Variants in CELF2 observed in about 807,000 individuals in gnomAD.
CELF2 encodes CUG triplet repeat RNA-binding protein 2.
A neutral mutation model predicts 62.6 loss-of-function variants in CELF2; 8 were observed. The ratio of observed to expected loss-of-function variants is 0.13; its 90% CI spans 0.07 to 0.23. The LOEUF (loss-of-function observed/expected upper bound fraction) is 0.23, where lower values mean the gene tolerates loss of function less well. Ranked by LOEUF, CELF2 falls within the 10% of genes least tolerant of loss-of-function variation. The pLI, the probability that CELF2 is intolerant of heterozygous loss-of-function variation, is 1.00. For synonymous variants in CELF2, 258 were observed against 250.0 expected, an observed-to-expected ratio of 1.03 and a Z score of -0.30; for missense variants, 333 against 671.0, an observed-to-expected ratio of 0.50 and a Z score of 5.56.
chr10:10,598,648 A>G, the CELF2 span, among the ~76,000 whole-genome samples: 1 of 151,924 alleles, frequency 6.6e-6, no homozygotes, highest in Non-Finnish European at 1.5e-5. Flanking sequence ...TTTAGATTTG[A>G]TAACTGAAAC....
chr10:11,256,226 T>G (rs759744846), intron 4 of CELF2, among the ~76,000 whole-genome samples: 5 of 152,206 alleles, frequency 3.3e-5, no homozygotes, highest in Non-Finnish European at 7.3e-5. Context: ...TCCCTTTAAG[T>G]GCTCAGCAGC....
Position 11,165,136 on chromosome 10 carries a change from C to T in CELF2, c.75-350C>T, listed in dbSNP as rs1014185936. On this transcript the variant is annotated intron_variant, in intron 1 of 12. Transcript: ENST00000633077. The surrounding 1 kb of genome is among the most constrained non-coding windows in gnomAD (Gnocchi z 7.4). Reference sequence around the variant, plus strand: ...CACAGCCAGGGTAGGGCTGATAAGGCGCTGATGCGTTGATGGCAGCCTTGC... The same window carrying T: ...CACAGCCAGGGTAGGGCTGATAAGGTGCTGATGCGTTGATGGCAGCCTTGC... 4.7e-6 allele frequency: 5 copies of T among 1,064,666 alleles called. No individual in the cohort carries two copies. Among genetic ancestry groups the T allele is most frequent in the African/African-American group, 1.7e-5 (1 of 59,078 alleles). The allele number at this position is 1,064,666 out of a possible 1,614,324, so 66.0% of individuals were successfully genotyped here. A position where few individuals can be genotyped will look rare whatever the true frequency, so the allele number is the denominator to read the frequency against.
chr10:11,129,362 G>A (rs1369096531), intron 1 of CELF2, among the ~76,000 whole-genome samples: 2 of 152,214 alleles, frequency 1.3e-5, no homozygotes, highest in African/African-American at 4.8e-5. Context: ...GTCTCTGCCA[G>A]GCTTTGGTAT....
intron 1 of CELF2, among the ~76,000 whole-genome samples, chr10:11,126,484 A>G (rs1022773166): frequency 2.6e-5 from 4 of 152,210 alleles, no homozygotes; most frequent in African/African-American, 9.6e-5. Context: ...ATACATATAT[A>G]TGTGTGTATT....
intron 2 of CELF2, among the ~76,000 whole-genome samples, chr10:11,197,036 A>AGGAAG (rs1554936440): frequency 4.1e-5 from 1 of 24,484 alleles, no homozygotes; most frequent in Admixed American, 2.7e-4. Context: ...AAAGAAAGAA[A>AGGAAG]GAAAGAAAGA....
chr10:10,795,154 A>C (rs893799222), upstream of CELF2, among the ~76,000 whole-genome samples: 5 of 151,954 alleles, frequency 3.3e-5, no homozygotes, highest in Non-Finnish European at 1.5e-5. Context: ...GATCACAGAA[A>C]TGTTAGCTCT....
At chr10:10,784,136 G>T in the CELF2 span, among the ~76,000 whole-genome samples, 63 of 152,290 alleles carry the variant, frequency 4.1e-4, no homozygotes, top group African/African-American at 1.3e-3. Context: ...AGAGTTCCCT[G>T]AACCCCCTTG....
chr10:10,747,481 C>A, the CELF2 span, among the ~76,000 whole-genome samples: 3 of 152,084 alleles, frequency 2.0e-5, no homozygotes, highest in Non-Finnish European at 4.4e-5. Context: ...TGGAGGCTGA[C>A]GGAAGGCGGC....
chr10:11,106,391 C>A (rs1355502171), intron 1 of CELF2, among the ~76,000 whole-genome samples: 1 of 152,140 alleles, frequency 6.6e-6, no homozygotes, highest in Non-Finnish European at 1.5e-5. Context: ...CATGCACCAC[C>A]GTGCCCGGCT....
At chr10:11,015,048 T>A (rs1036673045), upstream of CELF2, among the ~76,000 whole-genome samples, 1 of 152,208 alleles carries the variant, frequency 6.6e-6, no homozygotes, top group Non-Finnish European at 1.5e-5. The surrounding 1 kb of genome is among the most constrained non-coding windows in gnomAD (Gnocchi z 4.8). Flanking sequence ...CTGCTGTCGA[T>A]AAGATCCTTG....
intron 2 of CELF2, among the ~76,000 whole-genome samples, chr10:11,172,161 C>A (rs2069105460): frequency 6.6e-6 from 1 of 152,190 alleles, no homozygotes; most frequent in South Asian, 2.1e-4. Flanking sequence ...TCTGGGACAG[C>A]CCCAGTTTTG....
the CELF2 span, among the ~76,000 whole-genome samples, chr10:10,650,641 C>G: frequency 6.6e-6 from 1 of 152,182 alleles, no homozygotes; most frequent in Non-Finnish European, 1.5e-5. Flanking sequence ...ACTTCATACT[C>G]TCTAGGATGG....
At chr10:10,846,726 C>A (rs2059038059) in intron 1 of CELF2, among the ~76,000 whole-genome samples, 1 of 152,232 alleles carries the variant, frequency 6.6e-6, no homozygotes, top group Non-Finnish European at 1.5e-5. Flanking sequence ...GATGCCCTTG[C>A]AGCTATGCCT....
chr10:10,876,605 T>G (rs2061111610), intron 1 of CELF2, among the ~76,000 whole-genome samples: 1 of 152,198 alleles, frequency 6.6e-6, no homozygotes, highest in Non-Finnish European at 1.5e-5. Flanking sequence ...TGGCTCTGGT[T>G]TTTTGATGTC....
chr10:10,662,351 A>C, the CELF2 span, among the ~76,000 whole-genome samples: 1 of 152,208 alleles, frequency 6.6e-6, no homozygotes, highest in Non-Finnish European at 1.5e-5. Flanking sequence ...GCTTAAGATA[A>C]GACTAAAATG....
chr10:10,784,643 TTCTTCTGC>T, the CELF2 span: 1 of 152,636 alleles, frequency 6.6e-6, no homozygotes, highest in African/African-American at 2.4e-5. Context: ...CATTCTTCTG[TTCTTCTGC>T]TCTTCTCTTT....
At position 11,176,275 on chromosome 10, in the gene CELF2, C is replaced by T. The variant is rs1017767795; in HGVS notation, c.271+10593C>T. Among the ~76,000 whole-genome samples, 4 of 152,176 alleles carry T rather than the reference C, an allele frequency of 2.6e-5. No homozygotes were observed. In the South Asian group the frequency reaches 8.3e-4, roughly 31 times the overall value. ...TCACTGATGAGCCTTTCTGAGGGTT[C>T]TCCATTAAATCCAAGGACAGAAAAT... On this transcript the variant is annotated intron_variant, in intron 2 of 12. Coordinates refer to ENST00000633077, the MANE Select transcript of CELF2 (RefSeq NM_001326342.2).
At chr10:11,084,347 G>T (rs1410841453) in intron 1 of CELF2, among the ~76,000 whole-genome samples, 6 of 152,242 alleles carry the variant, frequency 3.9e-5, no homozygotes, top group Non-Finnish European at 8.8e-5. Flanking sequence ...ACAAATGTGG[G>T]TTAGAGGTAG....
chr10:10,548,122 C>T, the CELF2 span, among the ~76,000 whole-genome samples: 1 of 152,220 alleles, frequency 6.6e-6, no homozygotes, highest in Non-Finnish European at 1.5e-5. Context: ...CTGGCTCTGG[C>T]ACTAATGAGG....
Sources: allele counts gnomAD v4.1 joint callset (sites outside exome capture counted in the v4.1 genomes callset), GRCh38; gene constraint gnomAD v4.1.1; non-coding constraint Gnocchi (gnomAD v3.1); transcripts MANE v1.5; gene names NCBI Gene and HGNC (gene_info 2026-07-23, HGNC 2026-07-21).